MDGA2: variants seen among roughly 807,000 people sequenced by gnomAD.
MDGA2 encodes the protein MAM domain containing glycosylphosphatidylinositol anchor 2, also known as MAM domain-containing glycosylphosphatidylinositol anchor protein 2.
In MDGA2, 40 loss-of-function variants were observed where a neutral mutation model predicts 117.8. The observed-to-expected ratio is 0.34, with a 90% confidence interval of 0.26 to 0.44. MDGA2 has a LOEUF of 0.44. MDGA2 is among the 20% of genes least tolerant of loss of function. The pLI, the probability that MDGA2 is intolerant of heterozygous loss-of-function variation, is 1.00. For synonymous variants in MDGA2, 452 were observed against 439.0 expected (o/e 1.03, Z -0.37); for missense variants, 1,123 against 1,250.6 (o/e 0.90, Z 1.54).
chr14:46,898,772 G>A (rs372232992), intron 10 of MDGA2, among the ~76,000 whole-genome samples: 18 of 151,994 alleles, frequency 1.2e-4, no homozygotes, highest in East Asian at 9.6e-4. Flanking sequence ...GGTTTGGCAG[G>A]AAAATGAAAT....
intron 8 of MDGA2, among the ~76,000 whole-genome samples, chr14:46,990,609 T>C (rs1887051413): frequency 6.6e-6 from 1 of 152,052 alleles, no homozygotes; most frequent in Admixed American, 6.6e-5. Flanking sequence ...TGCTAATGTC[T>C]AGTTACACAT....
chr14:47,011,549 T>C (rs1054516053), intron 8 of MDGA2, among the ~76,000 whole-genome samples: 1 of 151,986 alleles, frequency 6.6e-6, no homozygotes, highest in Non-Finnish European at 1.5e-5. Flanking sequence ...CACTGGGAGT[T>C]CTAGAAATAA....
At chr14:47,254,876 C>A (rs1488480811) in intron 2 of MDGA2, among the ~76,000 whole-genome samples, 1 of 152,154 alleles carries the variant, frequency 6.6e-6, no homozygotes, top group Non-Finnish European at 1.5e-5. Context: ...GAAGAGGAAG[C>A]AAACATATTC....
chr14:47,144,547 A>G (rs1286012839), intron 3 of MDGA2, among the ~76,000 whole-genome samples: 1 of 152,164 alleles, frequency 6.6e-6, no homozygotes, highest in Non-Finnish European at 1.5e-5. Context: ...GAGTTCCATG[A>G]GAGAGATAAA....
chr14:46,889,960 C>A (rs945839852), intron 10 of MDGA2, among the ~76,000 whole-genome samples: 1 of 152,044 alleles, frequency 6.6e-6, no homozygotes, highest in Admixed American at 6.6e-5. Context: ...TATTGCCTTT[C>A]TTTATCAGGG....
chr14:46,845,628 A>T, intron 16 of MDGA2, 138 bp downstream of exon 16: 1 of 515,182 alleles, frequency 1.9e-6, no homozygotes, highest in Non-Finnish European at 3.4e-6. Context: ...AACAAACTTT[A>T]GGGTATTACA....
chr14:47,609,465 A>ACATATATATAT (rs1555336021), intron 1 of MDGA2, among the ~76,000 whole-genome samples: 9 of 107,376 alleles, frequency 8.4e-5, no homozygotes, highest in Non-Finnish European at 1.4e-4. Context: ...ATATATATAT[A>ACATATATATAT]AGTTTCTTTA....
chr14:47,335,732 T>A (rs1277305953), intron 1 of MDGA2, among the ~76,000 whole-genome samples: 5 of 20,556 alleles, frequency 2.4e-4, no homozygotes, highest in Non-Finnish European at 5.7e-4. Context: ...CACACATATA[T>A]TTTATATATA....
chr14:47,627,703 G>A (rs1897172956), intron 1 of MDGA2, among the ~76,000 whole-genome samples: 1 of 152,138 alleles, frequency 6.6e-6, no homozygotes, highest in Non-Finnish European at 1.5e-5. Flanking sequence ...AAAGCAGTCT[G>A]CCCCAGCCAG....
At chr14:47,355,419 T>C (rs935254055) in intron 1 of MDGA2, among the ~76,000 whole-genome samples, 8 of 152,252 alleles carry the variant, frequency 5.3e-5, no homozygotes, top group Non-Finnish European at 1.2e-4. Flanking sequence ...CAAGGAACCA[T>C]GGTGGAATAT....
intron 1 of MDGA2, among the ~76,000 whole-genome samples, chr14:47,620,065 G>A (rs773970633): frequency 1.4e-4 from 22 of 152,260 alleles, no homozygotes; most frequent in Admixed American, 2.0e-4. Flanking sequence ...GCTTAATGCC[G>A]GCATACATTA....
chr14:47,166,163 G>A (rs1276853956), intron 3 of MDGA2, among the ~76,000 whole-genome samples: 1 of 151,248 alleles, frequency 6.6e-6, no homozygotes, highest in Non-Finnish European at 1.5e-5. Flanking sequence ...AGCCTCCCGA[G>A]TAGCTGGGAC....
At chr14:47,127,203 C>G (rs1273195306) in intron 5 of MDGA2, among the ~76,000 whole-genome samples, 2 of 152,222 alleles carry the variant, frequency 1.3e-5, no homozygotes, top group Middle Eastern at 3.4e-3. Context: ...ACGTACATCA[C>G]TTAGAGATTC....
At chr14:46,995,961 T>G (rs1221933936) in intron 8 of MDGA2, among the ~76,000 whole-genome samples, 1 of 152,074 alleles carries the variant, frequency 6.6e-6, no homozygotes, top group Non-Finnish European at 1.5e-5. Flanking sequence ...CATTTCATTT[T>G]TTACATTTAA....
At chr14:47,613,846 CTATTT>C (rs1896899069) in intron 1 of MDGA2, among the ~76,000 whole-genome samples, 1 of 152,064 alleles carries the variant, frequency 6.6e-6, no homozygotes, top group Non-Finnish European at 1.5e-5. Flanking sequence ...TTTATATGAA[CTATTT>C]TAAATTTCTT....
chr14:47,589,689 A>T lies in MDGA2; in HGVS notation c.280+84828T>A, dbSNP rs562539775. ...ATTTGAGTTTTTGAATTAGCTTGTT[A>T]ATTTCTGCAAAAAAGGCAGAGGGGG... On this transcript the variant is annotated intron_variant, in intron 1 of 16. Transcript: ENST00000399232. Among the ~76,000 whole-genome samples the T allele has an allele frequency of 1.4e-4, 21 of 152,052 alleles. No individual in the cohort carries two copies. In the South Asian group the frequency reaches 4.4e-3, roughly 32 times the overall value.
chr14:46,955,587 G>T (rs1539221), intron 9 of MDGA2, among the ~76,000 whole-genome samples: 60,680 of 151,678 alleles, frequency 0.4, 15,873 homozygotes, highest in African/African-American at 0.74. Flanking sequence ...TGAACACAAC[G>T]GTATTCTCTT....
chr14:47,531,366 G>A (rs1404639871), intron 1 of MDGA2, among the ~76,000 whole-genome samples: 4 of 152,092 alleles, frequency 2.6e-5, no homozygotes, highest in Non-Finnish European at 5.9e-5. Context: ...TCAAAATGAG[G>A]ATACAAGACG....
rs145338495 is a variant in MDGA2, at chr14:47,035,258, G to T, written c.1572C>A (p.Thr524=). 8.1e-5 allele frequency: 130 copies of T among 1,613,998 alleles called. No individual in the cohort carries two copies. In the African/African-American group the frequency reaches 1.5e-3, roughly 19 times the overall value. ...TVPQEKSPLV[T]REGDTIELQC... is the part of the protein sequence containing the mutation. Reference sequence around the variant, plus strand: ...GCAGTTCTATTGTGTCTCCTTCTCTGGTGACCAATGGTGATTTTTCCTGTG... The same window carrying T: ...GCAGTTCTATTGTGTCTCCTTCTCTTGTGACCAATGGTGATTTTTCCTGTG... The change falls in exon 8 of 17, where the codon ACC becomes ACA. Residue 524 remains threonine, a synonymous_variant. Coordinates refer to ENST00000399232, the MANE Select transcript of MDGA2 (RefSeq NM_001113498.3).
Sources: allele counts gnomAD v4.1 joint callset (sites outside exome capture counted in the v4.1 genomes callset), GRCh38; gene constraint gnomAD v4.1.1; transcripts MANE v1.5; gene names NCBI Gene and HGNC (gene_info 2026-07-23, HGNC 2026-07-21).